MEMO1: variants seen among roughly 807,000 people sequenced by gnomAD.
MEMO1 encodes protein MEMO1.
Under a neutral mutation model 45.2 loss-of-function variants are expected in MEMO1, and 6 were observed. The observed-to-expected ratio is 0.13, with a 90% confidence interval of 0.07 to 0.26. MEMO1 has a LOEUF of 0.26. MEMO1 is among the 10% of genes least tolerant of loss of function. The pLI is 1.00. For missense variants in MEMO1, 184 were observed against 370.5 expected, an observed-to-expected ratio of 0.50 and a Z score of 4.13; for synonymous variants, 78 against 124.3, an observed-to-expected ratio of 0.63 and a Z score of 2.48.
At chr2:31,893,432 A>T (rs1677244741) in intron 6 of MEMO1, 1 of 929,992 alleles carries the variant, frequency 1.1e-6, no homozygotes, top group Admixed American at 6.1e-5. Context: ...GGGGCTCTTC[A>T]ATTAGTTAAG....
At chr2:31,946,357 G>A (rs1666197247) in intron 2 of MEMO1, among the ~76,000 whole-genome samples, 1 of 151,934 alleles carries the variant, frequency 6.6e-6, no homozygotes, top group Non-Finnish European at 1.5e-5. Context: ...GTTTAAAATG[G>A]ACAGTAAATT....
At chr2:31,915,954 T>A (rs529671731) in intron 6 of MEMO1, among the ~76,000 whole-genome samples, 2 of 152,238 alleles carry the variant, frequency 1.3e-5, no homozygotes, top group African/African-American at 4.8e-5. Flanking sequence ...ATAACTGACA[T>A]AGGTAATGAG....
intron 6 of MEMO1, among the ~76,000 whole-genome samples, chr2:31,913,307 T>A (rs915847610): frequency 6.6e-6 from 1 of 151,586 alleles, no homozygotes; most frequent in East Asian, 1.9e-4. Flanking sequence ...ATCTATTTTT[T>A]AAAAAATACA....
chr2:31,964,355 G>A (rs561003517), intron 2 of MEMO1, among the ~76,000 whole-genome samples: 1 of 152,192 alleles, frequency 6.6e-6, no homozygotes, highest in Non-Finnish European at 1.5e-5. Context: ...TAATTAAAAT[G>A]TATGGGGTCT....
chr2:31,919,842 A>G (rs564294980), intron 5 of MEMO1, among the ~76,000 whole-genome samples: 1 of 151,582 alleles, frequency 6.6e-6, no homozygotes, highest in African/African-American at 2.4e-5. Flanking sequence ...AAATATATAT[A>G]TGTGTGTGTC....
intron 2 of MEMO1, among the ~76,000 whole-genome samples, chr2:31,947,924 G>C (rs920968272): frequency 6.6e-6 from 1 of 152,166 alleles, no homozygotes; most frequent in East Asian, 1.9e-4. Flanking sequence ...CTTCTCTATC[G>C]CTGTTTAGCC....
intron 2 of MEMO1, among the ~76,000 whole-genome samples, chr2:31,992,457 C>T (rs1672061050): frequency 6.6e-6 from 1 of 152,170 alleles, no homozygotes; most frequent in African/African-American, 2.4e-5. Flanking sequence ...TATCACAATA[C>T]ATTCCAAATG....
At chr2:31,964,185 C>T (rs1258311845) in intron 2 of MEMO1, among the ~76,000 whole-genome samples, 3 of 151,808 alleles carry the variant, frequency 2.0e-5, no homozygotes, top group African/African-American at 7.3e-5. Flanking sequence ...GCAGCCTCCA[C>T]GGTATGAGGA....
chr2:31,911,073 GAA>G (rs1230435221), intron 6 of MEMO1, among the ~76,000 whole-genome samples: 1 of 152,018 alleles, frequency 6.6e-6, no homozygotes, highest in Admixed American at 6.5e-5. Context: ...GCAATGATTA[GAA>G]AAGGATAGTA....
chr2:31,880,336 A>G (rs953022628), intron 8 of MEMO1, among the ~76,000 whole-genome samples: 5 of 152,234 alleles, frequency 3.3e-5, no homozygotes, highest in Non-Finnish European at 7.3e-5. Flanking sequence ...TAATACATTA[A>G]AATCCAAATA....
chr2:31,987,715 G>A (rs1156589346), intron 2 of MEMO1, among the ~76,000 whole-genome samples: 1 of 152,098 alleles, frequency 6.6e-6, no homozygotes, highest in Non-Finnish European at 1.5e-5. Context: ...ATACAAAAAT[G>A]ATAATGATGA....
At chr2:32,008,214 G>T (rs1674343333) in intron 2 of MEMO1, among the ~76,000 whole-genome samples, 2 of 152,198 alleles carry the variant, frequency 1.3e-5, no homozygotes, top group Non-Finnish European at 2.9e-5. Flanking sequence ...ATTATCCAAA[G>T]AATGTTCAAG....
chr2:31,941,140 AC>A (rs1326475370), intron 3 of MEMO1, among the ~76,000 whole-genome samples: 1 of 152,194 alleles, frequency 6.6e-6, no homozygotes, highest in Non-Finnish European at 1.5e-5. Context: ...CCTTATGACT[AC>A]AAAGCCTCTT....
At chr2:31,991,514 T>C (rs985452809) in intron 2 of MEMO1, among the ~76,000 whole-genome samples, 1 of 146,196 alleles carries the variant, frequency 6.8e-6, no homozygotes, top group African/African-American at 2.6e-5. Context: ...GAGGTTGCAG[T>C]GAGCCAAGAT....
intron 4 of MEMO1, among the ~76,000 whole-genome samples, chr2:31,925,296 GA>G (rs1682914860): frequency 6.6e-6 from 1 of 151,838 alleles, no homozygotes; most frequent in Admixed American, 6.6e-5. Context: ...CTAACATGGT[GA>G]AACCCCATCT....
At chr2:32,002,322 TATACATATATACATATACATATATAC>T (rs1459731232) in intron 2 of MEMO1, among the ~76,000 whole-genome samples, 20 of 145,096 alleles carry the variant, frequency 1.4e-4, no homozygotes, top group African/African-American at 4.0e-4. Context: ...CATACACATA[TATACATATATACATATACATATATAC>T]ATACATATGT....
At chr2:32,008,377 A>C (rs940542207) in intron 2 of MEMO1, among the ~76,000 whole-genome samples, 1 of 152,242 alleles carries the variant, frequency 6.6e-6, no homozygotes, top group African/African-American at 2.4e-5. Context: ...CGAAGTCGGG[A>C]GTTAGAGACC....
intron 2 of MEMO1, among the ~76,000 whole-genome samples, chr2:31,944,115 C>T (rs1387107843): frequency 3.3e-5 from 5 of 152,136 alleles, no homozygotes; most frequent in Non-Finnish European, 7.4e-5. Context: ...TAGTTTAAAA[C>T]CAACTTTCCA....
intron 2 of MEMO1, among the ~76,000 whole-genome samples, chr2:31,996,276 G>A (rs187204393): frequency 9.9e-5 from 15 of 152,014 alleles, no homozygotes; most frequent in Admixed American, 3.3e-4. Flanking sequence ...GGCATGGCAC[G>A]GTGGCTCACA....
Sources: gnomAD v4.1 joint callset for allele counts (sites outside exome capture counted in the v4.1 genomes callset) on GRCh38, gnomAD v4.1.1 for gene constraint, MANE v1.5 for transcripts, NCBI Gene and HGNC (gene_info 2026-07-23, HGNC 2026-07-21) for gene names.